USP24: variants seen among roughly 807,000 people sequenced by gnomAD.
The protein encoded by USP24 is ubiquitin carboxyl-terminal hydrolase 24.
A neutral mutation model predicts 361.6 loss-of-function variants in USP24; 97 were observed. The ratio of observed to expected loss-of-function variants is 0.27; its 90% confidence interval spans 0.23 to 0.32. USP24 has a LOEUF of 0.32. Among genes scored for constraint, USP24 ranks in the 10% least tolerant of loss-of-function variants. The pLI is 1.00. For missense variants in USP24, 2,353 were observed against 3,165.6 expected, an observed-to-expected ratio of 0.74 and a Z score of 6.16; for synonymous variants, 1,098 against 1,124.6, an observed-to-expected ratio of 0.98 and a Z score of 0.47.
chr1:55,118,448 A>G (rs2100585796), intron 38 of USP24, among the ~76,000 whole-genome samples: 1 of 152,342 alleles, frequency 6.6e-6, no homozygotes, highest in East Asian at 1.9e-4. Flanking sequence ...ATAATGCAAA[A>G]CTAAACTCAA....
chr1:55,165,108 G>C (rs1648692776), intron 7 of USP24, among the ~76,000 whole-genome samples: 1 of 151,996 alleles, frequency 6.6e-6, no homozygotes, highest in African/African-American at 2.4e-5. Context: ...CACCCATAGA[G>C]GGACCAATAG....
At position 55,158,863 on chromosome 1, in the gene USP24, A is replaced by G. The variant is rs748480949; in HGVS notation, c.1227+15T>C. ...TCTGTGCATTAAGTCTTGTAGAAAC[A>G]AATGAAAAACTTACTTCTTTGAGAG... On this transcript the variant is annotated intron_variant, in intron 10 of 67. Coordinates refer to ENST00000294383, the MANE Select transcript of USP24 (RefSeq NM_015306.3). 6.7e-7 allele frequency: 1 copy of G among 1,483,590 alleles called. No homozygotes were observed. The highest frequency in any genetic ancestry group is 9.0e-7 in the Non-Finnish European group (1 of 1,105,514). The allele number at this position is 1,483,590 out of a possible 1,614,324, so 91.9% of individuals were successfully genotyped here.
chr1:55,158,992 A>AAGT lies in USP24; in HGVS notation c.1110_1112dup (p.Leu371dup). On this transcript the variant is annotated inframe_insertion, in exon 10 of 68. Coordinates refer to ENST00000294383, the MANE Select transcript of USP24 (RefSeq NM_015306.3). ...CCAGATCCGGTTGGAAGCGCATGCA[A>AAGT]AGTAACTTAACGGCAGACAAGAGCT... 6.3e-7 allele frequency: 1 copy of AAGT among 1,587,924 alleles called. No homozygotes were observed. Among genetic ancestry groups the AAGT allele is most frequent in the South Asian group, 1.2e-5 (1 of 86,578 alleles).
Position 55,171,619 on chromosome 1 carries a change from A to G in USP24, c.762T>C (p.Asn254=). The G allele has an allele frequency of 1.2e-6, 2 of 1,610,274 alleles. No homozygotes were observed. The highest frequency in any genetic ancestry group is 1.7e-6 in the Non-Finnish European group (2 of 1,178,006). Residue 254 remains asparagine, a synonymous_variant, in exon 5 of 68, where the codon AAT becomes AAC. Coordinates refer to ENST00000294383, the MANE Select transcript of USP24 (RefSeq NM_015306.3). ...FKNRMKVSQR[N]WAEVFGEGNM... ...TTCCCTCTCCAAACACTTCTGCCCA[A>G]TTCCTTTGAGACACTTTCATTCTGT...
chr1:55,128,553 G>C (rs1055664497), intron 32 of USP24, among the ~76,000 whole-genome samples: 1 of 151,728 alleles, frequency 6.6e-6, no homozygotes, highest in Non-Finnish European at 1.5e-5. Flanking sequence ...TTTACCTAGA[G>C]GATTTCTAGG....
At chr1:55,163,016 C>T (rs960424015) in intron 7 of USP24, among the ~76,000 whole-genome samples, 2 of 151,860 alleles carry the variant, frequency 1.3e-5, no homozygotes, top group Non-Finnish European at 2.9e-5. Flanking sequence ...ATTATTAAGC[C>T]AGCAACTACA....
chr1:55,104,779 G>A (rs1490341308), intron 41 of USP24, among the ~76,000 whole-genome samples: 1 of 152,190 alleles, frequency 6.6e-6, no homozygotes, highest in Non-Finnish European at 1.5e-5. Context: ...ACCAGGCACT[G>A]AGGACAATGG....
chr1:55,109,035 C>A (rs557334281), intron 39 of USP24, among the ~76,000 whole-genome samples: 2 of 152,350 alleles, frequency 1.3e-5, no homozygotes, highest in East Asian at 3.9e-4. Flanking sequence ...GTCGCCCAGG[C>A]TGGAGTGCAG....
At chr1:55,100,359 G>T (rs1051660613) in intron 44 of USP24, among the ~76,000 whole-genome samples, 1 of 152,140 alleles carries the variant, frequency 6.6e-6, no homozygotes, top group Non-Finnish European at 1.5e-5. Flanking sequence ...AGCCGGGCAT[G>T]GGGGTGCATG....
At chr1:55,138,543 C>CA in intron 26 of USP24, 65 bp downstream of exon 26, 1 of 1,217,668 alleles carries the variant, frequency 8.2e-7, no homozygotes, top group East Asian at 2.5e-5. Flanking sequence ...CTAACTCAAT[C>CA]AAGACTGCTT....
At chr1:55,081,819 C>T (rs1645154863) in intron 58 of USP24, among the ~76,000 whole-genome samples, 1 of 152,166 alleles carries the variant, frequency 6.6e-6, no homozygotes, top group Non-Finnish European at 1.5e-5. Context: ...CTGCCACCTC[C>T]CTATTCTGCC....
At position 55,171,401 on chromosome 1, in the gene USP24, G is replaced by GA. The variant is rs1033905260; in HGVS notation, c.825+154dup. Among the ~76,000 whole-genome samples, 8 of 151,902 alleles carry GA rather than the reference G, an allele frequency of 5.3e-5. No homozygotes were observed. The East Asian group carries it at 9.7e-4, about 18-fold the overall frequency. On this transcript the variant is annotated intron_variant, in intron 5 of 67. Coordinates refer to ENST00000294383, the MANE Select transcript of USP24 (RefSeq NM_015306.3). ...GCTATGGAAAAATTATGCACTGTCT[G>GA]AAAAAAAATGTAGGCAATTTTATGA... is the stretch of plus-strand genomic sequence containing the variant.
chr1:55,169,809 G>A (rs1251015011), intron 5 of USP24, among the ~76,000 whole-genome samples: 2 of 152,062 alleles, frequency 1.3e-5, no homozygotes, highest in African/African-American at 4.8e-5. Context: ...CCTTACTAAA[G>A]GATTCTTTAT....
chr1:55,122,131 T>C (rs1489425497), intron 36 of USP24, among the ~76,000 whole-genome samples: 1 of 152,110 alleles, frequency 6.6e-6, no homozygotes, highest in African/African-American at 2.4e-5. Flanking sequence ...ATAAACACAA[T>C]AAATAAGTAG....
intron 8 of USP24, among the ~76,000 whole-genome samples, chr1:55,161,410 C>T (rs1216090394): frequency 2.0e-5 from 3 of 149,890 alleles, no homozygotes; most frequent in Non-Finnish European, 4.5e-5. Flanking sequence ...AAAGAAATAA[C>T]AGAAATTTCC....
chr1:55,076,504 A>G (rs952276251), intron 62 of USP24, among the ~76,000 whole-genome samples: 6 of 152,120 alleles, frequency 3.9e-5, no homozygotes, highest in Admixed American at 6.5e-5. Context: ...CCAGGCCCTC[A>G]CTCTCTAAGG....
intron 40 of USP24, among the ~76,000 whole-genome samples, chr1:55,106,854 A>G (rs1645788135): frequency 6.6e-6 from 1 of 152,190 alleles, no homozygotes; most frequent in Non-Finnish European, 1.5e-5. Context: ...TATGTACCCC[A>G]CCACTGGAGG....
At chr1:55,147,833 AGAATT>A (rs1236401962) in intron 17 of USP24, 35 bp from the exon 18 acceptor site, 2 of 1,603,040 alleles carry the variant, frequency 1.2e-6, no homozygotes, top group Non-Finnish European at 1.7e-6. Context: ...AGTGGTAATG[AGAATT>A]TGCAGTTATT....
At chr1:55,198,646 T>C (rs1170249989) in intron 1 of USP24, among the ~76,000 whole-genome samples, 2 of 152,178 alleles carry the variant, frequency 1.3e-5, no homozygotes, top group Admixed American at 1.3e-4. Context: ...GGATGACAAA[T>C]CACCCCTGGT....
Sources: allele counts gnomAD v4.1 joint callset (sites outside exome capture counted in the v4.1 genomes callset), GRCh38; gene constraint gnomAD v4.1.1; transcripts MANE v1.5; gene names NCBI Gene and HGNC (gene_info 2026-07-23, HGNC 2026-07-21).